HTR2C: variants seen among roughly 807,000 people sequenced by gnomAD.
HTR2C encodes the protein 5-hydroxytryptamine receptor 2C.
A neutral mutation model predicts 21.0 loss-of-function variants in HTR2C; 5 were observed. The observed-to-expected ratio is 0.24, with a 90% CI of 0.12 to 0.50. HTR2C has a LOEUF of 0.50. Among genes scored for constraint, HTR2C ranks in the 20% least tolerant of loss-of-function variants. The pLI is 0.98. For synonymous variants in HTR2C, 150 were observed against 145.3 expected, an observed-to-expected ratio of 1.03 and a Z score of -0.23; for missense variants, 271 against 371.2, an observed-to-expected ratio of 0.73 and a Z score of 2.22.
intron 2 of HTR2C, among the ~76,000 whole-genome samples, chrX:114,719,791 T>G (rs1227766911): frequency 9.0e-6 from 1 of 111,482 alleles, no homozygotes; most frequent in Non-Finnish European, 1.9e-5. Context: ...CTGGCTAATT[T>G]TTAAAGGAAT....
intron 2 of HTR2C, among the ~76,000 whole-genome samples, chrX:114,693,787 C>G (rs1283535690): frequency 9.0e-6 from 1 of 111,314 alleles, no homozygotes; most frequent in Admixed American, 9.6e-5. Flanking sequence ...TACAGTCACC[C>G]GACACAAATG....
Position 114,654,038 on chromosome X carries a change from T to C in HTR2C, c.-80+40157T>C, listed in dbSNP as rs192531206. 2.7e-5 allele frequency among the ~76,000 whole-genome samples: 3 copies of C among 110,536 alleles called. No individual in the cohort carries two copies. The East Asian group carries it at 8.5e-4, about 31-fold the overall frequency. ...GAATTAACCTTCCTGAGCCTTTAGA[T>C]ATAATACGAGACTAATAATATCTTG... is the stretch of plus-strand genomic sequence containing the variant. On this transcript the variant is annotated intron_variant, in intron 2 of 5. Coordinates refer to ENST00000276198, the MANE Select transcript of HTR2C (RefSeq NM_000868.4).
chrX:114,736,657 GA>G (rs2069593513), intron 4 of HTR2C, among the ~76,000 whole-genome samples: 1 of 111,401 alleles, frequency 9.0e-6, no homozygotes, highest in Admixed American at 9.6e-5. Flanking sequence ...CAAAAACAAA[GA>G]ATATATATCT....
At chrX:114,666,192 A>G (rs782680759) in intron 2 of HTR2C, among the ~76,000 whole-genome samples, 1 of 111,968 alleles carries the variant, frequency 8.9e-6, no homozygotes, top group Non-Finnish European at 1.9e-5. Context: ...GCTGCTAAAA[A>G]GATTGCAAAC....
chrX:114,730,518 G>A (rs781884911), intron 3 of HTR2C, among the ~76,000 whole-genome samples: 1 of 111,745 alleles, frequency 8.9e-6, no homozygotes, highest in East Asian at 2.8e-4. Context: ...AGCACAAAAC[G>A]TTAAGAAACA....
chrX:114,598,252 C>A (rs781983948), intron 1 of HTR2C, among the ~76,000 whole-genome samples: 36 of 111,565 alleles, frequency 3.2e-4, no homozygotes, highest in Non-Finnish European at 5.8e-4. Context: ...TTGGATCAAC[C>A]CTTTTGGGTG....
intron 4 of HTR2C, among the ~76,000 whole-genome samples, chrX:114,754,099 C>T (rs782440783): frequency 9.0e-6 from 1 of 110,975 alleles, no homozygotes; most frequent in Non-Finnish European, 1.9e-5. Flanking sequence ...TTAGGGCCCA[C>T]CCTAATAACC....
intron 5 of HTR2C, among the ~76,000 whole-genome samples, chrX:114,875,479 A>G (rs900889816): frequency 1.8e-5 from 2 of 111,428 alleles, no homozygotes; most frequent in Non-Finnish European, 3.8e-5. Context: ...CTAAAAAATT[A>G]TTGCCAAGAC....
At position 114,775,190 on chromosome X, in the gene HTR2C, C is replaced by G. The variant is rs1390803851; in HGVS notation, c.349+43583C>G. 4 of 519,636 alleles carry G rather than the reference C, an allele frequency of 7.7e-6. No individual in the cohort carries two copies. The African/African-American group carries it at 9.2e-5, about 12-fold the overall frequency. The allele number at this position is 519,636 out of a possible 1,213,427, so 42.8% of individuals were successfully genotyped here. The stretch of plus-strand genomic sequence containing the variant: ...TTGTCCCTCTGCCTCTTATCTTCAG[C>G]TTTGTACTTCTCAGCTTACCGGACC... On this transcript the variant is annotated intron_variant, in intron 4 of 5. Transcript: ENST00000276198.
intron 2 of HTR2C, among the ~76,000 whole-genome samples, chrX:114,665,779 G>A (rs917063472): frequency 2.7e-5 from 3 of 111,123 alleles, no homozygotes; most frequent in Non-Finnish European, 3.8e-5. Context: ...GCTGTCTCAG[G>A]GGTGGCAGAG....
intron 2 of HTR2C, among the ~76,000 whole-genome samples, chrX:114,706,512 A>G (rs1372468911): frequency 1.0e-5 from 1 of 95,801 alleles, no homozygotes; most frequent in Non-Finnish European, 2.1e-5. Context: ...GAACAATGAG[A>G]ACACACATGG....
At chrX:114,703,127 C>T (rs1400001134) in intron 2 of HTR2C, among the ~76,000 whole-genome samples, 1 of 107,696 alleles carries the variant, frequency 9.3e-6, no homozygotes. Flanking sequence ...TTTAACACCC[C>T]ACTGTCAACA....
At chrX:114,872,745 C>A (rs1267618895) in intron 5 of HTR2C, among the ~76,000 whole-genome samples, 2 of 110,779 alleles carry the variant, frequency 1.8e-5, no homozygotes, top group Non-Finnish European at 3.8e-5. Flanking sequence ...TTCAGGTGCA[C>A]TTGAGAAAAA....
At chrX:114,836,080 C>T (rs1321074513) in intron 4 of HTR2C, among the ~76,000 whole-genome samples, 2 of 108,808 alleles carry the variant, frequency 1.8e-5, no homozygotes, top group Non-Finnish European at 3.8e-5. Flanking sequence ...TCTCCAGCTG[C>T]GTGCTGTGAG....
intron 2 of HTR2C, among the ~76,000 whole-genome samples, chrX:114,625,639 A>G (rs1402647540): frequency 8.9e-6 from 1 of 112,217 alleles, no homozygotes; most frequent in African/African-American, 3.2e-5. Flanking sequence ...CCTTTTTAAA[A>G]TAAATCACCC....
chrX:114,661,619 C>T (rs1037307711), intron 2 of HTR2C, among the ~76,000 whole-genome samples: 7 of 110,207 alleles, frequency 6.4e-5, no homozygotes, highest in Admixed American at 2.9e-4. Context: ...GATCCACCTG[C>T]GTCAGCCTCC....
chrX:114,769,757 G>C (rs1490239435), intron 4 of HTR2C, among the ~76,000 whole-genome samples: 1 of 110,587 alleles, frequency 9.0e-6, no homozygotes, highest in Non-Finnish European at 1.9e-5. Context: ...ACATTATAAT[G>C]CATCAAAATA....
intron 3 of HTR2C, 86 bp downstream of exon 3, chrX:114,727,057 G>C: frequency 3.7e-6 from 2 of 535,850 alleles, no homozygotes; most frequent in South Asian, 4.4e-5. Flanking sequence ...GCTTCTATAT[G>C]ATCAGCTATA....
chrX:114,599,883 C>T (rs1928013885), intron 1 of HTR2C, among the ~76,000 whole-genome samples: 1 of 111,848 alleles, frequency 8.9e-6, no homozygotes, highest in Non-Finnish European at 1.9e-5. Context: ...TTTGAATTTT[C>T]TATTTACTCA....
Sources: allele counts gnomAD v4.1 joint callset (sites outside exome capture counted in the v4.1 genomes callset), GRCh38; gene constraint gnomAD v4.1.1; transcripts MANE v1.5; gene names NCBI Gene and HGNC (gene_info 2026-07-23, HGNC 2026-07-21).